The following TCTN3 variants were observed in gnomAD, a reference collection of about 807,000 sequenced individuals.
TCTN3 encodes tectonic-3.
A neutral mutation model predicts 71.3 loss-of-function variants in TCTN3; 57 were observed. The ratio of observed to expected loss-of-function variants is 0.80; its 90% CI spans 0.65 to 1.00. The LOEUF (loss-of-function observed/expected upper bound fraction) is 1.00, where lower values mean the gene tolerates loss of function less well. Among genes scored for constraint, TCTN3 ranks in the 50% least tolerant of loss-of-function variants. The probability of loss-of-function intolerance (pLI) is 0.00; values close to 1 mark genes in which losing one functional copy is unlikely to be tolerated. For missense variants in TCTN3, 696 were observed against 719.9 expected (o/e 0.97, Z 0.38); for synonymous variants, 258 against 267.8 (o/e 0.96, Z 0.36).
chr10:95,692,413 G>C (rs1484717688), intron 3 of TCTN3, among the ~76,000 whole-genome samples: 2 of 152,124 alleles, frequency 1.3e-5, no homozygotes, highest in Non-Finnish European at 2.9e-5. Context: ...AGCTAAGGCA[G>C]GAGAATCACT....
intron 13 of TCTN3, among the ~76,000 whole-genome samples, chr10:95,672,841 C>T (rs1398583692): frequency 6.6e-6 from 1 of 151,754 alleles, no homozygotes; most frequent in Non-Finnish European, 1.5e-5. Flanking sequence ...TACAGGCATG[C>T]GTCGCCATGC....
At position 95,684,491 on chromosome 10, in the gene TCTN3, G is replaced by A. The variant is rs1331510026; in HGVS notation, c.1095+8C>T. 6.2e-7 allele frequency: 1 copy of A among 1,613,774 alleles called. No homozygotes were observed. Among genetic ancestry groups the A allele is most frequent in the South Asian group, 1.1e-5 (1 of 91,060 alleles). The stretch of plus-strand genomic sequence containing the variant: ...CCTCTAAATCCCCTATAAGAGAAGG[G>A]CCCTAACCCTGAAGCGAAGGATGAA... On this transcript the variant is annotated splice_region_variant and intron_variant, in intron 9 of 13. Transcript: ENST00000371217.
chr10:95,665,119 T>G (rs1329518805), intron 13 of TCTN3, among the ~76,000 whole-genome samples: 1 of 152,184 alleles, frequency 6.6e-6, no homozygotes, highest in Non-Finnish European at 1.5e-5. Flanking sequence ...CTTGATTGTT[T>G]GTTTTTAGAG....
intron 13 of TCTN3, among the ~76,000 whole-genome samples, chr10:95,672,685 C>CTTTTTTTTTTT (rs766029244): frequency 2.5e-5 from 2 of 80,374 alleles, no homozygotes; most frequent in Admixed American, 1.4e-4. Context: ...CTGTTCAAAT[C>CTTTTTTTTTTT]TTTTTTTTTT....
rs551632780 is a variant in TCTN3 at position 95,678,393 on chromosome 10, C to T, written c.1590+2079G>A. ...CTAAAAATACAAAAAATTAGCTGGG[C>T]GTGGTTGCAGGTGCCTGTAGTCCCA... On this transcript the variant is annotated intron_variant, in intron 13 of 13. Coordinates refer to ENST00000371217, the MANE Select transcript of TCTN3 (RefSeq NM_015631.6). 5.3e-5 allele frequency among the ~76,000 whole-genome samples: 8 copies of T among 151,922 alleles called. No individual in the cohort carries two copies. In the East Asian group the frequency reaches 5.8e-4, roughly 11 times the overall value.
chr10:95,678,528 T>C lies in TCTN3; in HGVS notation c.1590+1944A>G, dbSNP rs56768663. ...AGGCTGGGAAACAAGAGTGAAACAC[T>C]GTCTCAAAAAAAAAAAAAAAAAAAA... is the stretch of plus-strand genomic sequence containing the variant. On this transcript the variant is annotated intron_variant, in intron 13 of 13. Coordinates refer to ENST00000371217, the MANE Select transcript of TCTN3 (RefSeq NM_015631.6). 4.2e-5 allele frequency among the ~76,000 whole-genome samples: 4 copies of C among 94,334 alleles called. No homozygotes were observed. In the East Asian group the frequency reaches 8.6e-4, roughly 20 times the overall value. 61.9% of individuals were successfully genotyped at this position (94,334 alleles called of 152,430 possible).
intron 13 of TCTN3, among the ~76,000 whole-genome samples, chr10:95,677,809 C>T (rs1196198197): frequency 6.6e-6 from 1 of 152,044 alleles, no homozygotes; most frequent in Non-Finnish European, 1.5e-5. Flanking sequence ...GTGGATATCA[C>T]CATTCAGCAA....
In TCTN3 at chr10:95,687,568, TCCCATCCCCTTC is replaced by T. The variant is rs748043659; in HGVS notation, c.627+12_627+23del. The stretch of plus-strand genomic sequence containing the variant: ...TGAGAGTAAAAACTAAACCAAACAA[TCCCATCCCCTTC>T]CCCAGGCTCACCCTGTAAAAAGATG... On this transcript the variant is annotated intron_variant, in intron 4 of 13. Transcript: ENST00000371217. 1 of 1,611,258 alleles carries T rather than the reference TCCCATCCCCTTC, an allele frequency of 6.2e-7. No individual in the cohort carries two copies.
chr10:95,669,262 T>G (rs1448010167), intron 13 of TCTN3, among the ~76,000 whole-genome samples: 1 of 152,230 alleles, frequency 6.6e-6, no homozygotes, highest in Non-Finnish European at 1.5e-5. Context: ...CAATATATTG[T>G]GTATTTCAAA....
intron 3 of TCTN3, among the ~76,000 whole-genome samples, chr10:95,690,174 G>A (rs1390456910): frequency 1.3e-5 from 2 of 151,650 alleles, no homozygotes; most frequent in African/African-American, 2.4e-5. Context: ...TGTAAAGACT[G>A]GGTCTTGCTA....
chr10:95,671,082 T>C (rs1158833232), intron 13 of TCTN3, among the ~76,000 whole-genome samples: 2 of 152,226 alleles, frequency 1.3e-5, no homozygotes, highest in Non-Finnish European at 2.9e-5. Flanking sequence ...TTAAAAGTTA[T>C]AGATAGGCAA....
intron 3 of TCTN3, among the ~76,000 whole-genome samples, chr10:95,689,886 T>C (rs1566076096): frequency 1.3e-5 from 2 of 152,210 alleles, no homozygotes; most frequent in East Asian, 1.9e-4. Context: ...CAAGAGTAGA[T>C]TGCAGATCTC....
chr10:95,688,403 A>G (rs1226509308), intron 3 of TCTN3, among the ~76,000 whole-genome samples: 3 of 148,048 alleles, frequency 2.0e-5, no homozygotes, highest in East Asian at 2.1e-4. Flanking sequence ...AAAAGAAAAA[A>G]AAAAAAAAAA....
intron 3 of TCTN3, 92 bp from the exon 4 acceptor site, chr10:95,687,811 T>C (rs1224824903): frequency 7.0e-7 from 1 of 1,426,996 alleles, no homozygotes; most frequent in Admixed American, 2.3e-5. Flanking sequence ...AAGCATAATA[T>C]ACAGGGTGCA....
At chr10:95,682,145 T>C (rs2097943587) in intron 12 of TCTN3, among the ~76,000 whole-genome samples, 1 of 147,918 alleles carries the variant, frequency 6.8e-6, no homozygotes, top group Non-Finnish European at 1.5e-5. Flanking sequence ...CAATGAGCCA[T>C]GATTGTGCCA....
rs1589604799 is a variant in TCTN3 at position 95,671,971 on chromosome 10, T to C, written c.1591-7671A>G. ...GGTATAATTTATAAACAATAAAATA[T>C]ATACATTTTAAATATTTAGTTCAAT... On this transcript the variant is annotated intron_variant, in intron 13 of 13. Transcript: ENST00000371217. Among the ~76,000 whole-genome samples, 12 of 152,310 alleles carry C rather than the reference T, an allele frequency of 7.9e-5. 3 individuals carry two copies. The highest frequency in any genetic ancestry group is 7.9e-4 in the Admixed American group (12 of 15,278).
At chr10:95,690,371 T>C (rs2097952420) in intron 3 of TCTN3, among the ~76,000 whole-genome samples, 1 of 152,160 alleles carries the variant, frequency 6.6e-6, no homozygotes, top group Non-Finnish European at 1.5e-5. Flanking sequence ...GACATGATGT[T>C]TACATAAACT....
At chr10:95,691,416 G>A (rs539488347) in intron 3 of TCTN3, among the ~76,000 whole-genome samples, 21 of 152,198 alleles carry the variant, frequency 1.4e-4, no homozygotes, top group African/African-American at 5.1e-4. Context: ...AGCCTCCCAA[G>A]TGCTAAGATT....
At chr10:95,669,098 T>A (rs2097928393) in intron 13 of TCTN3, among the ~76,000 whole-genome samples, 1 of 152,196 alleles carries the variant, frequency 6.6e-6, no homozygotes, top group African/African-American at 2.4e-5. Flanking sequence ...AATACTGATT[T>A]AATAATCTGA....
Sources: allele counts gnomAD v4.1 joint callset (sites outside exome capture counted in the v4.1 genomes callset), GRCh38; gene constraint gnomAD v4.1.1; transcripts MANE v1.5; gene names NCBI Gene and HGNC (gene_info 2026-07-23, HGNC 2026-07-21).